The following NOP14 variants were observed in gnomAD, a reference collection of about 807,000 sequenced individuals.
The protein encoded by NOP14 is nucleolar protein 14.
In NOP14, 57 loss-of-function variants were observed where a neutral mutation model predicts 101.6. The ratio of observed to expected loss-of-function variants is 0.56; its 90% confidence interval spans 0.45 to 0.70. The LOEUF (loss-of-function observed/expected upper bound fraction) is 0.70, where lower values mean the gene tolerates loss of function less well. Ranked by LOEUF, NOP14 falls within the 30% of genes least tolerant of loss-of-function variation. NOP14 has a pLI of 0.00. For missense variants in NOP14, 1,134 were observed against 1,075.5 expected, an observed-to-expected ratio of 1.05 and a Z score of -0.76; for synonymous variants, 428 against 424.0, an observed-to-expected ratio of 1.01 and a Z score of -0.12.
At chr4:2,957,389 G>A (rs924391461) in intron 2 of NOP14, among the ~76,000 whole-genome samples, 4 of 152,226 alleles carry the variant, frequency 2.6e-5, no homozygotes, top group African/African-American at 9.6e-5. Context: ...CACTGCTGCC[G>A]TGTAGTAGAG....
Position 2,938,907 on chromosome 4 carries a change from ACTTTCCGCTTT to A in NOP14, c.2487_2497del (p.Arg829SerfsTer6). The A allele has an allele frequency of 6.2e-7, 1 of 1,614,162 alleles. No homozygotes were observed. The highest frequency in any genetic ancestry group is 8.5e-7 in the Non-Finnish European group (1 of 1,180,018). On this transcript the variant is annotated frameshift_variant, in exon 18 of 18. Transcript: ENST00000416614. LOFTEE classifies it high-confidence loss of function. ...AGCCAGGCTGTTAAAAAGCTGCTTT[ACTTTCCGCTTT>A]CTTTCCGCATCCCTAAAAGAAACAA...
At chr4:2,953,439 G>T in intron 5 of NOP14, 72 bp downstream of exon 5, 1 of 1,557,022 alleles carries the variant, frequency 6.4e-7, no homozygotes, top group Non-Finnish European at 8.8e-7. Flanking sequence ...TCCAGCCCCA[G>T]CCCTTTCTCT....
chr4:2,939,074 C>T, intron 17 of NOP14, 114 bp downstream of exon 17: 3 of 1,535,018 alleles, frequency 2.0e-6, no homozygotes, highest in Admixed American at 1.7e-5. Context: ...TGGCTCCAAC[C>T]CCCAGCCAGA....
chr4:2,956,560 C>T, intron 3 of NOP14, 110 bp downstream of exon 3: 1 of 1,083,248 alleles, frequency 9.2e-7, no homozygotes, highest in East Asian at 2.6e-5. Context: ...ATCAGTAAAA[C>T]TTTCATGCAA....
intron 10 of NOP14, chr4:2,947,150 C>A (rs1023074936): frequency 7.1e-6 from 2 of 282,788 alleles, no homozygotes; most frequent in Admixed American, 5.0e-5. Flanking sequence ...CAAAGCCACC[C>A]AACTGGGTTT....
chr4:2,937,964 C>A lies in NOP14; in HGVS notation c.*867G>T. ...CATTTATAATTGAAAATATAATTTG[C>A]ATAACAACAGTAAATTCTACACATG... On this transcript the variant is annotated 3_prime_UTR_variant, in exon 18 of 18. Coordinates refer to ENST00000416614, the MANE Select transcript of NOP14 (RefSeq NM_001291978.2). The A allele has an allele frequency of 5.0e-6, 1 of 199,544 alleles. No homozygotes were observed. The highest frequency in any genetic ancestry group is 1.0e-5 in the Non-Finnish European group (1 of 95,570). The allele number at this position is 199,544 out of a possible 1,614,324, so 12.4% of individuals were successfully genotyped here. A position where few individuals can be genotyped will look rare whatever the true frequency, so the allele number is the denominator to read the frequency against.
rs138923262 is a variant in NOP14 at position 2,959,420 on chromosome 4, G to A, written c.196-1680C>T. ...ATCCTGGGTAACATGGTGAAACCCC[G>A]TCTCTACTAAAAATACAAAAAAATT... On this transcript the variant is annotated intron_variant, in intron 1 of 17. Coordinates refer to ENST00000416614, the MANE Select transcript of NOP14 (RefSeq NM_001291978.2). Among the ~76,000 whole-genome samples, 1,171 of 152,076 alleles carry A rather than the reference G, an allele frequency of 7.7e-3. 15 individuals are homozygous for A. The highest frequency in any genetic ancestry group is 0.065 in the East Asian group (333 of 5,162).
At position 2,956,680 on chromosome 4, in the gene NOP14, T is replaced by C; in HGVS notation, c.462A>G (p.Gly154=). 6.2e-7 allele frequency: 1 copy of C among 1,611,898 alleles called. No individual in the cohort carries two copies. Among genetic ancestry groups the C allele is most frequent in the Non-Finnish European group, 8.5e-7 (1 of 1,179,440 alleles). Residue 154 remains glycine, a synonymous_variant, in exon 3 of 18, where the codon GGA becomes GGG. Coordinates refer to ENST00000416614, the MANE Select transcript of NOP14 (RefSeq NM_001291978.2). ...VDSDSDAEDR[G]TLSAELTAAH... Reference sequence around the variant, plus strand: ...GCACCCCAGCCTCACCAGACAACGTTCCTCGATCCTCAGCATCGCTGTCAC... The same window carrying C: ...GCACCCCAGCCTCACCAGACAACGTCCCTCGATCCTCAGCATCGCTGTCAC...
chr4:2,941,839 G>T, intron 14 of NOP14, 110 bp from the exon 15 acceptor site: 1 of 1,305,928 alleles, frequency 7.7e-7, no homozygotes, highest in Non-Finnish European at 1.1e-6. Flanking sequence ...GAAAACTCCA[G>T]TGTGGCCACC....
chr4:2,951,125 G>C lies in NOP14; in HGVS notation c.991C>G (p.Leu331Val). The change falls in exon 7 of 18, where the codon CTT becomes GTT. Residue 331 changes from leucine (L) to valine (V), a missense_variant. Coordinates refer to ENST00000416614, the MANE Select transcript of NOP14 (RefSeq NM_001291978.2). ...GGCAAACATCTTACTTTGTAGGAAAGCAAACGCCTGTCATCTTTATCTAGC... is the reference window on the plus strand; with the variant it reads ...GGCAAACATCTTACTTTGTAGGAAACCAAACGCCTGTCATCTTTATCTAGC... ...FVLDKDDRRLLSYKDGKMNVE... is the reference protein window; with the variant it reads ...FVLDKDDRRLVSYKDGKMNVE... The C allele has an allele frequency of 6.2e-7, 1 of 1,610,060 alleles. No individual in the cohort carries two copies. Among genetic ancestry groups the C allele is most frequent in the Non-Finnish European group, 8.5e-7 (1 of 1,177,424 alleles).
chr4:2,945,853 C>T (rs1339944275), intron 11 of NOP14, among the ~76,000 whole-genome samples: 1 of 152,256 alleles, frequency 6.6e-6, no homozygotes, highest in Non-Finnish European at 1.5e-5. Flanking sequence ...CCTGCACGAC[C>T]CACACGTTAG....
chr4:2,949,773 G>C (rs1252766138), intron 8 of NOP14, among the ~76,000 whole-genome samples, 161 bp downstream of exon 8: 2 of 152,190 alleles, frequency 1.3e-5, no homozygotes, highest in East Asian at 1.9e-4. Flanking sequence ...CTCACTCTAA[G>C]ACCTGGATCA....
At position 2,944,064 on chromosome 4, in the gene NOP14, T is replaced by A; in HGVS notation, c.1891+9A>T. The A allele has an allele frequency of 6.3e-7, 1 of 1,595,924 alleles. No homozygotes were observed. Among genetic ancestry groups the A allele is most frequent in the South Asian group, 1.1e-5 (1 of 87,796 alleles). On this transcript the variant is annotated intron_variant, in intron 13 of 17. Coordinates refer to ENST00000416614, the MANE Select transcript of NOP14 (RefSeq NM_001291978.2). Reference sequence around the variant, plus strand: ...CATATTTGTAGGAACCTCCCTCAAATCAACTCACCTTGGCTTGCTTTGTTT... The same window carrying A: ...CATATTTGTAGGAACCTCCCTCAAAACAACTCACCTTGGCTTGCTTTGTTT...
Position 2,938,171 on chromosome 4 carries a change from G to A in NOP14, c.*660C>T. ...ACGTTTTAACAGAAACAAAACCGCA[G>A]GCAGCGGGTGGGGGGAGCTGGAGGT... is the stretch of plus-strand genomic sequence containing the variant. On this transcript the variant is annotated 3_prime_UTR_variant, in exon 18 of 18. Transcript: ENST00000416614. The A allele has an allele frequency of 7.8e-7, 1 of 1,283,580 alleles. No homozygotes were observed. The allele number at this position is 1,283,580 out of a possible 1,614,324, so 79.5% of individuals were successfully genotyped here. A position where few individuals can be genotyped will look rare whatever the true frequency, so the allele number is the denominator to read the frequency against.
chr4:2,942,041 A>C, intron 14 of NOP14, 151 bp downstream of exon 14: 3 of 732,786 alleles, frequency 4.1e-6, no homozygotes, highest in Non-Finnish European at 6.9e-6. Flanking sequence ...ACAGCAAGCC[A>C]ACATGCCTCA....
Position 2,938,671 on chromosome 4 carries a change from A to G in NOP14, c.*160T>C, listed in dbSNP as rs897544753. On this transcript the variant is annotated 3_prime_UTR_variant, in exon 18 of 18. Coordinates refer to ENST00000416614, the MANE Select transcript of NOP14 (RefSeq NM_001291978.2). ...CAGGTGCGTGCCACCACACTTGGCTAATTTTTATGTTTTTTTGGTAGAGAC... is the reference window on the plus strand; with the variant it reads ...CAGGTGCGTGCCACCACACTTGGCTGATTTTTATGTTTTTTTGGTAGAGAC... 2 of 610,290 alleles carry G rather than the reference A, an allele frequency of 3.3e-6. No homozygotes were observed. The highest frequency in any genetic ancestry group is 3.0e-5 in the Admixed American group (1 of 33,388). 37.8% of individuals were successfully genotyped at this position (610,290 alleles called of 1,614,324 possible).
intron 5 of NOP14, among the ~76,000 whole-genome samples, chr4:2,953,259 C>G (rs111374745): frequency 2.0e-5 from 3 of 152,184 alleles, no homozygotes; most frequent in African/African-American, 7.2e-5. Flanking sequence ...CTAACGTGTC[C>G]ACCCTGAAGT....
Position 2,947,542 on chromosome 4 carries a change from T to C in NOP14, c.1483A>G (p.Ile495Val). 4 of 1,613,370 alleles carry C rather than the reference T, an allele frequency of 2.5e-6. No homozygotes were observed. The highest frequency in any genetic ancestry group is 3.4e-6 in the Non-Finnish European group (4 of 1,179,310). The change falls in exon 10 of 18, where the codon ATT becomes GTT. Residue 495 changes from isoleucine to valine, a missense_variant. By Grantham distance (29) the Ile-to-Val change is conservative (BLOSUM62 3). Transcript: ENST00000416614. ...TTTACTTACACAACCAACTTATCAA[T>C]GACTGTGAGGTCTGGTGGGTCATCT... ...ATDDPPDLTV[I>V]DKLVVHLYHL...
rs2109285791 is a variant in NOP14 at position 2,938,659 on chromosome 4, CCA to C, written c.*170_*171del. On this transcript the variant is annotated 3_prime_UTR_variant, in exon 18 of 18. Coordinates refer to ENST00000416614, the MANE Select transcript of NOP14 (RefSeq NM_001291978.2). The stretch of plus-strand genomic sequence containing the variant: ...TAGTTGGGACTACAGGTGCGTGCCA[CCA>C]CACTTGGCTAATTTTTATGTTTTTT... 1.7e-6 allele frequency: 1 copy of C among 598,880 alleles called. No individual in the cohort carries two copies. The highest frequency in any genetic ancestry group is 2.1e-5 in the South Asian group (1 of 48,364). 37.1% of individuals were successfully genotyped at this position (598,880 alleles called of 1,614,324 possible).
Sources: allele counts gnomAD v4.1 joint callset (sites outside exome capture counted in the v4.1 genomes callset), GRCh38; gene constraint gnomAD v4.1.1; transcripts MANE v1.5; gene names NCBI Gene and HGNC (gene_info 2026-07-23, HGNC 2026-07-21).